Variants in KSR2 observed in about 807,000 individuals in gnomAD.
The protein encoded by KSR2 is kinase suppressor of ras 2.
In KSR2, 25 loss-of-function variants were observed where a neutral mutation model predicts 107.8. The ratio of observed to expected loss-of-function variants is 0.23; its 90% CI spans 0.17 to 0.32. KSR2 has a LOEUF of 0.32. Ranked by LOEUF, KSR2 falls within the 10% of genes least tolerant of loss-of-function variation. KSR2 has a pLI of 1.00. For missense variants in KSR2, 887 were observed against 1,268.9 expected, an observed-to-expected ratio of 0.70 and a Z score of 4.57; for synonymous variants, 480 against 507.0, an observed-to-expected ratio of 0.95 and a Z score of 0.71.
At chr12:117,587,907 G>C (rs572251147) in intron 5 of KSR2, among the ~76,000 whole-genome samples, 1 of 151,898 alleles carries the variant, frequency 6.6e-6, no homozygotes, top group African/African-American at 2.4e-5. Flanking sequence ...GGCTGTAACT[G>C]GAAAAAACAG....
Position 117,465,991 on chromosome 12 carries a change from G to C in KSR2, c.*1208C>G, listed in dbSNP as rs1339940290. On this transcript the variant is annotated 3_prime_UTR_variant, in exon 20 of 20. Transcript: ENST00000339824. Reference sequence around the variant, plus strand: ...CAGGTTGGGATCAAGAGGAGGGAGGGAAGGTGGGGCACTGAGGGAACACAC... The same window carrying C: ...CAGGTTGGGATCAAGAGGAGGGAGGCAAGGTGGGGCACTGAGGGAACACAC... The C allele has an allele frequency of 6.6e-6, 1 of 152,352 alleles. No homozygotes were observed. Among genetic ancestry groups the C allele is most frequent in the Non-Finnish European group, 1.5e-5 (1 of 68,124 alleles). The allele number at this position is 152,352 out of a possible 1,614,324, so 9.4% of individuals were successfully genotyped here. A position where few individuals can be genotyped will look rare whatever the true frequency, so the allele number is the denominator to read the frequency against.
intron 3 of KSR2, among the ~76,000 whole-genome samples, chr12:117,768,209 CT>C (rs1889314661): frequency 6.6e-6 from 1 of 152,234 alleles, no homozygotes; most frequent in East Asian, 1.9e-4. Context: ...AGGGCTGGCT[CT>C]CCCCATGGAC....
intron 1 of KSR2, among the ~76,000 whole-genome samples, chr12:117,923,530 T>C (rs185737821): frequency 3.9e-5 from 6 of 152,260 alleles, no homozygotes; most frequent in Admixed American, 2.6e-4. Flanking sequence ...CCAGACATGG[T>C]GGCACATGCC....
chr12:117,639,582 A>G (rs1176260593), intron 5 of KSR2, among the ~76,000 whole-genome samples: 2 of 150,064 alleles, frequency 1.3e-5, no homozygotes, highest in Non-Finnish European at 1.5e-5. Flanking sequence ...CACCTACCTC[A>G]GCCTCCCAAA....
At chr12:117,950,737 T>TAAAAAAAAA (rs1183707257) in intron 1 of KSR2, among the ~76,000 whole-genome samples, 1 of 127,772 alleles carries the variant, frequency 7.8e-6, no homozygotes, top group East Asian at 2.2e-4. Flanking sequence ...CAAGACTCTG[T>TAAAAAAAAA]AAAAAAAAAA....
intron 3 of KSR2, among the ~76,000 whole-genome samples, chr12:117,771,493 C>A (rs1889449269): frequency 6.6e-6 from 1 of 152,194 alleles, no homozygotes; most frequent in Admixed American, 6.5e-5. Flanking sequence ...CATGGGCGTG[C>A]ATCTTCAGCC....
At chr12:117,715,168 C>T (rs1438902234) in intron 4 of KSR2, among the ~76,000 whole-genome samples, 1 of 152,140 alleles carries the variant, frequency 6.6e-6, no homozygotes, top group Non-Finnish European at 1.5e-5. Flanking sequence ...TTAAAGGGCA[C>T]AGTCTAAGTT....
intron 3 of KSR2, among the ~76,000 whole-genome samples, chr12:117,772,448 C>G (rs1432193433): frequency 6.8e-6 from 1 of 147,120 alleles, no homozygotes; most frequent in Non-Finnish European, 1.5e-5. Context: ...TGCACACACA[C>G]TCACACATAC....
chr12:117,761,058 G>A lies in KSR2; in HGVS notation c.939C>T (p.Ser313=). The change falls in exon 4 of 20, where the codon TCC becomes TCT. Residue 313 remains serine (S), a synonymous_variant. Coordinates refer to ENST00000339824, the MANE Select transcript of KSR2 (RefSeq NM_173598.6). ...PGFTALHRSK[S]HEFQLGHRVD... ...CGCGGTGCCCCAGCTGGAACTCGTG[G>A]GATTTGCTCCGATGCAGCGCGGTGA... The A allele has an allele frequency of 6.2e-7, 1 of 1,613,802 alleles. No individual in the cohort carries two copies. The highest frequency in any genetic ancestry group is 8.5e-7 in the Non-Finnish European group (1 of 1,179,736).
chr12:117,613,197 G>A (rs186139381), intron 5 of KSR2, among the ~76,000 whole-genome samples: 212 of 152,332 alleles, frequency 1.4e-3, no homozygotes, highest in Non-Finnish European at 2.6e-3. Context: ...CCCTAGTGGG[G>A]CTGTAATTCC....
intron 5 of KSR2, among the ~76,000 whole-genome samples, chr12:117,612,934 G>C (rs1881682488): frequency 6.6e-6 from 1 of 152,160 alleles, no homozygotes; most frequent in Admixed American, 6.5e-5. Context: ...GATGTACCTT[G>C]CTTCCCCTTT....
intron 1 of KSR2, among the ~76,000 whole-genome samples, chr12:117,863,998 A>T (rs2137258987): frequency 6.6e-6 from 1 of 152,246 alleles, no homozygotes; most frequent in South Asian, 2.1e-4. Flanking sequence ...ACATCTGCAA[A>T]GTCCTTTTTC....
In KSR2 at chr12:117,458,134, C is replaced by T. The variant is rs1190961186; in HGVS notation, c.*9065G>A. The stretch of plus-strand genomic sequence containing the variant: ...CATAGTAGATGCTCAACAAATCACC[C>T]ACTGAATGAATGGTTGGTGAAGAAA... On this transcript the variant is annotated 3_prime_UTR_variant, in exon 20 of 20. Coordinates refer to ENST00000339824, the MANE Select transcript of KSR2 (RefSeq NM_173598.6). 1 of 152,192 alleles carries T rather than the reference C, an allele frequency of 6.6e-6. No individual in the cohort carries two copies. The highest frequency in any genetic ancestry group is 1.5e-5 in the Non-Finnish European group (1 of 68,048). The allele number at this position is 152,192 out of a possible 1,614,324, so 9.4% of individuals were successfully genotyped here. A position where few individuals can be genotyped will look rare whatever the true frequency, so the allele number is the denominator to read the frequency against.
At chr12:117,571,468 C>A (rs900289858) in intron 7 of KSR2, among the ~76,000 whole-genome samples, 1 of 152,098 alleles carries the variant, frequency 6.6e-6, no homozygotes, top group Non-Finnish European at 1.5e-5. Flanking sequence ...TGGCTCTGAA[C>A]CACCTGGGGA....
intron 7 of KSR2, among the ~76,000 whole-genome samples, chr12:117,571,048 A>T (rs1243081051): frequency 3.9e-5 from 6 of 152,212 alleles, no homozygotes; most frequent in Non-Finnish European, 5.9e-5. Flanking sequence ...ACTTGAGGCC[A>T]GGAGTTTGAG....
At chr12:117,623,806 C>T (rs1220541614) in intron 5 of KSR2, among the ~76,000 whole-genome samples, 5 of 152,222 alleles carry the variant, frequency 3.3e-5, no homozygotes, top group Admixed American at 6.5e-5. Context: ...AATCGCCACA[C>T]TGTCTTCCAC....
chr12:117,951,783 C>T (rs539908081), intron 1 of KSR2, among the ~76,000 whole-genome samples: 1 of 152,190 alleles, frequency 6.6e-6, no homozygotes, highest in Admixed American at 6.6e-5. Context: ...CTCCAGAGAG[C>T]AAAATCAAAG....
At chr12:117,745,160 A>G (rs1192775498) in intron 4 of KSR2, among the ~76,000 whole-genome samples, 4 of 150,026 alleles carry the variant, frequency 2.7e-5, no homozygotes, top group South Asian at 2.1e-4. Flanking sequence ...CCCTACCCCA[A>G]TGCTGCCACA....
At chr12:117,550,591 G>C (rs1877226213) in intron 9 of KSR2, among the ~76,000 whole-genome samples, 1 of 152,188 alleles carries the variant, frequency 6.6e-6, no homozygotes. Context: ...GAAGAGCAGA[G>C]AGCATTAGGA....
Sources: allele counts gnomAD v4.1 joint callset (sites outside exome capture counted in the v4.1 genomes callset), GRCh38; gene constraint gnomAD v4.1.1; transcripts MANE v1.5; gene names NCBI Gene and HGNC (gene_info 2026-07-23, HGNC 2026-07-21).